Variants in TANGO6 observed in about 807,000 individuals in gnomAD.
TANGO6 encodes the protein transport and golgi organization 6 homolog, also known as transport and Golgi organization protein 6 homolog.
In TANGO6, 90 loss-of-function variants were observed where a neutral mutation model predicts 114.2. The ratio of observed to expected loss-of-function variants is 0.79; its 90% confidence interval spans 0.66 to 0.94. TANGO6 has a LOEUF of 0.94. Ranked by LOEUF, TANGO6 falls within the 40% of genes least tolerant of loss-of-function variation. The pLI, the probability that TANGO6 is intolerant of heterozygous loss-of-function variation, is 0.00. For missense variants in TANGO6, 1,274 were observed against 1,315.3 expected, an observed-to-expected ratio of 0.97 and a Z score of 0.49; for synonymous variants, 477 against 509.8, an observed-to-expected ratio of 0.94 and a Z score of 0.87.
chr16:69,031,307 T>G (rs1164734234), intron 16 of TANGO6, among the ~76,000 whole-genome samples: 1 of 151,986 alleles, frequency 6.6e-6, no homozygotes. Context: ...ATCACAGTGC[T>G]TGGCACATAG....
At chr16:68,866,980 T>C in intron 3 of TANGO6, 99 bp from the exon 4 acceptor site, 1 of 413,570 alleles carries the variant, frequency 2.4e-6, no homozygotes. Context: ...TTCTCCTTTT[T>C]TTTTTTTTTT....
At chr16:68,896,674 G>A (rs1465908353) in intron 7 of TANGO6, among the ~76,000 whole-genome samples, 1 of 152,154 alleles carries the variant, frequency 6.6e-6, no homozygotes, top group Non-Finnish European at 1.5e-5. Flanking sequence ...TTTGAGCTCA[G>A]TACCGAAGAA....
intron 1 of TANGO6, among the ~76,000 whole-genome samples, chr16:68,859,618 A>G (rs1448663767): frequency 1.3e-5 from 2 of 152,212 alleles, no homozygotes; most frequent in African/African-American, 4.8e-5. Flanking sequence ...TCTCTGCCCT[A>G]AAAACATGTG....
Position 68,903,290 on chromosome 16 carries a change from C to T in TANGO6, c.1667+786C>T, listed in dbSNP as rs192528515. Among the ~76,000 whole-genome samples the T allele has an allele frequency of 1.1e-4, 17 of 152,144 alleles. 1 individual carries two copies. Among genetic ancestry groups the T allele is most frequent in the Admixed American group, 9.2e-4 (14 of 15,276 alleles). ...TTGCAAACAGAATTATCAGTACAAA[C>T]GCAAGCTGCTATTCTGCCCAGCAAC... On this transcript the variant is annotated intron_variant, in intron 9 of 17. Transcript: ENST00000261778.
chr16:68,952,020 A>C (rs1431044984), intron 14 of TANGO6, among the ~76,000 whole-genome samples: 1 of 152,106 alleles, frequency 6.6e-6, no homozygotes, highest in African/African-American at 2.4e-5. Flanking sequence ...GGGCTCCTTT[A>C]AAGTCCCTCA....
At position 68,999,986 on chromosome 16, in the gene TANGO6, G is replaced by A. The variant is rs191357134; in HGVS notation, c.2843-22842G>A. ...CTGATTACAAACCATCTTTTGTAGC[G>A]GATCAAAACAAGACAATTGTCTGTG... On this transcript the variant is annotated intron_variant, in intron 15 of 17. Transcript: ENST00000261778. Among the ~76,000 whole-genome samples the A allele has an allele frequency of 2.2e-3, 337 of 152,236 alleles. 1 individual carries two copies. Among genetic ancestry groups the A allele is most frequent in the African/African-American group, 9.6e-4 (40 of 41,550 alleles).
Position 68,843,635 on chromosome 16 carries a change from C to G in TANGO6, c.18C>G (p.Ala6=). ...CTCCAGTCATGGCGGCCCGACAGGC[C>G]GTGGGCAGCGGGGCTCAGGAGACAT... The part of the protein sequence containing the change: MAARQ[A]VGSGAQETCG... Residue 6 remains alanine, a synonymous_variant, in exon 1 of 18, where the codon GCC becomes GCG. Coordinates refer to ENST00000261778, the MANE Select transcript of TANGO6 (RefSeq NM_024562.2). 2 of 1,613,468 alleles carry G rather than the reference C, an allele frequency of 1.2e-6. No individual in the cohort carries two copies. Among genetic ancestry groups the G allele is most frequent in the Non-Finnish European group, 1.7e-6 (2 of 1,179,662 alleles).
At chr16:68,846,966 T>G (rs373968605) in intron 1 of TANGO6, 3 of 148,684 alleles carry the variant, frequency 2.0e-5, no homozygotes, top group African/African-American at 7.4e-5. Flanking sequence ...TCTCGGCTCA[T>G]TGCCACCTCC....
intron 1 of TANGO6, among the ~76,000 whole-genome samples, chr16:68,853,017 A>G (rs1961930888): frequency 6.6e-6 from 1 of 152,200 alleles, no homozygotes; most frequent in African/African-American, 2.4e-5. Context: ...AGATATCAGT[A>G]CATTTTAGCC....
intron 15 of TANGO6, among the ~76,000 whole-genome samples, chr16:69,012,556 C>CAAAAAAAAAAAAAAAAAAAAAA (rs1175561720): frequency 2.7e-5 from 1 of 36,506 alleles, no homozygotes; most frequent in Non-Finnish European, 5.0e-5. Context: ...AACTCTGTCT[C>CAAAAAAAAAAAAAAAAAAAAAA]AAAAAAAAAA....
chr16:68,902,779 C>T (rs1285926194), intron 9 of TANGO6, among the ~76,000 whole-genome samples: 1 of 152,202 alleles, frequency 6.6e-6, no homozygotes, highest in Admixed American at 6.5e-5. Context: ...GCCAGTTAAT[C>T]AGAGTAAAGG....
At chr16:68,921,068 G>A (rs972744742) in intron 12 of TANGO6, among the ~76,000 whole-genome samples, 2 of 140,670 alleles carry the variant, frequency 1.4e-5, no homozygotes, top group African/African-American at 2.7e-5. Flanking sequence ...GCAGTGAGCC[G>A]AGATCGCGCC....
chr16:68,885,068 A>G (rs968185262), intron 7 of TANGO6, among the ~76,000 whole-genome samples: 54 of 152,366 alleles, frequency 3.5e-4, no homozygotes, highest in Non-Finnish European at 5.3e-4. Context: ...AAATTTAACA[A>G]CAAAGGATGT....
At chr16:68,962,940 A>C (rs1196414117) in intron 14 of TANGO6, among the ~76,000 whole-genome samples, 1 of 148,348 alleles carries the variant, frequency 6.7e-6, no homozygotes, top group East Asian at 2.0e-4. Flanking sequence ...AAAAAAAAAA[A>C]AAAATTAGCC....
At chr16:68,960,216 G>A (rs1289935922) in intron 14 of TANGO6, among the ~76,000 whole-genome samples, 2 of 151,572 alleles carry the variant, frequency 1.3e-5, no homozygotes, top group East Asian at 3.9e-4. Context: ...GAATGCTTAG[G>A]GCAGTGATTA....
At chr16:69,080,239 A>G (rs943885606) in intron 17 of TANGO6, among the ~76,000 whole-genome samples, 4 of 127,790 alleles carry the variant, frequency 3.1e-5, no homozygotes, top group African/African-American at 8.6e-5. Context: ...TGGGGGAAAA[A>G]ATATGGTACA....
At chr16:68,985,999 G>C (rs915276495) in intron 15 of TANGO6, among the ~76,000 whole-genome samples, 27 of 152,296 alleles carry the variant, frequency 1.8e-4, no homozygotes, top group African/African-American at 6.5e-4. Context: ...GGGTGGAAGA[G>C]GGGAGAGAGG....
At chr16:69,020,783 G>A (rs1959387402) in intron 15 of TANGO6, among the ~76,000 whole-genome samples, 1 of 152,046 alleles carries the variant, frequency 6.6e-6, no homozygotes, top group South Asian at 2.1e-4. Context: ...TGTCTTCCCA[G>A]CTACTCTGGA....
intron 12 of TANGO6, among the ~76,000 whole-genome samples, chr16:68,925,065 T>A (rs1233193017): frequency 1.3e-5 from 2 of 150,770 alleles, no homozygotes; most frequent in Non-Finnish European, 3.0e-5. Flanking sequence ...AATCCCAGCA[T>A]TTTGGGAGGC....
Sources: allele counts gnomAD v4.1 joint callset (sites outside exome capture counted in the v4.1 genomes callset), GRCh38; gene constraint gnomAD v4.1.1; transcripts MANE v1.5; gene names NCBI Gene and HGNC (gene_info 2026-07-23, HGNC 2026-07-21).